Variants in PRKCZ observed in about 807,000 individuals in gnomAD.
PRKCZ encodes protein kinase C zeta type.
PRKCZ carries 33 observed loss-of-function variants against 79.5 expected under a neutral mutation model. The ratio of observed to expected loss-of-function variants is 0.41; its 90% CI spans 0.31 to 0.55. The LOEUF is 0.55. Ranked by LOEUF, PRKCZ falls within the 20% of genes least tolerant of loss-of-function variation. PRKCZ has a pLI of 0.19. For synonymous variants in PRKCZ, 342 were observed against 320.9 expected (o/e 1.07, Z -0.70); for missense variants, 578 against 813.5 (o/e 0.71, Z 3.52).
intron 4 of PRKCZ, among the ~76,000 whole-genome samples, chr1:2,108,913 G>C (rs1669145340): frequency 6.6e-6 from 1 of 152,176 alleles, no homozygotes; most frequent in African/African-American, 2.4e-5. Flanking sequence ...GGTTCTTTCT[G>C]GGGGCTCCAG....
chr1:2,116,039 C>T (rs1256531747), intron 4 of PRKCZ, among the ~76,000 whole-genome samples: 5 of 152,198 alleles, frequency 3.3e-5, no homozygotes, highest in East Asian at 3.8e-4. Flanking sequence ...GAAGACCAGC[C>T]GCATCCTGGA....
rs1665037083 is a variant in PRKCZ, at chr1:2,089,102, G to T, written c.334+29511G>T. Among the ~76,000 whole-genome samples the T allele has an allele frequency of 2.0e-5, 3 of 152,280 alleles. No homozygotes were observed. In the South Asian group the frequency reaches 6.2e-4, roughly 32 times the overall value. On this transcript the variant is annotated intron_variant, in intron 4 of 17. Transcript: ENST00000378567. ...GTGCCAGTTCTGTTCCGGGCTCATC[G>T]TTTCTTTTTAAAATGGTGGAGCTTA...
At chr1:2,061,223 G>A (rs1376799698) in intron 4 of PRKCZ, among the ~76,000 whole-genome samples, 1 of 152,196 alleles carries the variant, frequency 6.6e-6, no homozygotes, top group Non-Finnish European at 1.5e-5. Context: ...GCCCCTGGGC[G>A]CGGGGGAAGC....
At chr1:2,154,977 A>G (rs770860632) in intron 9 of PRKCZ, among the ~76,000 whole-genome samples, 2 of 152,196 alleles carry the variant, frequency 1.3e-5, no homozygotes, top group Non-Finnish European at 2.9e-5. Flanking sequence ...CTTGTGTCCT[A>G]ACTGGAGATA....
At chr1:2,067,666 G>A (rs888087966) in intron 4 of PRKCZ, among the ~76,000 whole-genome samples, 15 of 152,186 alleles carry the variant, frequency 9.9e-5, no homozygotes, top group African/African-American at 3.4e-4. Flanking sequence ...GGCCGCAGGT[G>A]CCTCGGGCCC....
intron 1 of PRKCZ, among the ~76,000 whole-genome samples, chr1:2,052,355 G>A (rs528504794): frequency 1.1e-4 from 16 of 151,880 alleles, no homozygotes; most frequent in African/African-American, 3.9e-4. Context: ...GGTTTCCCAG[G>A]CTGGAGAGAC....
chr1:2,146,228 A>G (rs1219280601), intron 7 of PRKCZ, 120 bp downstream of exon 7: 4 of 973,470 alleles, frequency 4.1e-6, no homozygotes, highest in Non-Finnish European at 6.3e-6. Flanking sequence ...CATTGTCTTC[A>G]AGCCTGGCCA....
At chr1:2,062,046 G>A (rs926503689) in intron 4 of PRKCZ, among the ~76,000 whole-genome samples, 2 of 152,310 alleles carry the variant, frequency 1.3e-5, no homozygotes, top group South Asian at 2.1e-4. Context: ...GCAGGACTGC[G>A]GCTGTACCGT....
rs939729918 is a variant in PRKCZ, at chr1:2,072,166, C to T, written c.334+12575C>T. Among the ~76,000 whole-genome samples, 7 of 152,318 alleles carry T rather than the reference C, an allele frequency of 4.6e-5. No individual in the cohort carries two copies. The South Asian group carries it at 8.3e-4, about 18-fold the overall frequency. ...AATGCCCCTCATGCAGCTGGTCAGC[C>T]GCCTGACGAGGGAAGCTTGGCCCTT... On this transcript the variant is annotated intron_variant, in intron 4 of 17. Transcript: ENST00000378567.
rs1332438877 is a variant in PRKCZ, at chr1:2,128,448, C to T, written c.335-6814C>T. Among the ~76,000 whole-genome samples the T allele has an allele frequency of 6.6e-6, 1 of 152,232 alleles. No homozygotes were observed. The highest frequency in any genetic ancestry group is 1.5e-5 in the Non-Finnish European group (1 of 68,044). On this transcript the variant is annotated intron_variant, in intron 4 of 17. Transcript: ENST00000378567. The surrounding 1 kb of genome is among the most constrained non-coding windows in gnomAD (Gnocchi z 6.5). The stretch of plus-strand genomic sequence containing the variant: ...CTGCTCCGAGTTTAGTGTTTTAAAA[C>T]GTGTTTTCTACGTCTTGTCAGAGTG...
At chr1:2,150,266 G>T (rs564635547) in intron 8 of PRKCZ, among the ~76,000 whole-genome samples, 29 of 152,088 alleles carry the variant, frequency 1.9e-4, no homozygotes, top group Admixed American at 8.5e-4. Context: ...TGTAGCTTGC[G>T]GGAGGCAGAG....
Position 2,101,900 on chromosome 1 carries a change from A to T in PRKCZ, c.335-33362A>T, listed in dbSNP as rs557612472. ...ATAATGGATACAGCGGGCGTGGTGG[A>T]TTTATAACAGATATGTAGCAGATAT... On this transcript the variant is annotated intron_variant, in intron 4 of 17. Coordinates refer to ENST00000378567, the MANE Select transcript of PRKCZ (RefSeq NM_002744.6). Among the ~76,000 whole-genome samples the T allele has an allele frequency of 4.6e-5, 7 of 152,292 alleles. No individual in the cohort carries two copies. In the East Asian group the frequency reaches 1.2e-3, roughly 25 times the overall value.
chr1:2,165,906 C>T lies in PRKCZ; in HGVS notation c.975-3612C>T, dbSNP rs1022112975. On this transcript the variant is annotated intron_variant, in intron 10 of 17. Transcript: ENST00000378567. The surrounding 1 kb of genome is among the most constrained non-coding windows in gnomAD (Gnocchi z 4.1). ...GGTTTTGTGAGCTTCCCTCAGCCCC[C>T]GGCCGCCCCCTAGGAGGTTTCGTGA... is the stretch of plus-strand genomic sequence containing the variant. 1.3e-5 allele frequency among the ~76,000 whole-genome samples: 2 copies of T among 152,074 alleles called. No homozygotes were observed. Among genetic ancestry groups the T allele is most frequent in the Admixed American group, 6.5e-5 (1 of 15,276 alleles).
chr1:2,102,335 G>A (rs1054153467), intron 4 of PRKCZ, among the ~76,000 whole-genome samples: 1 of 148,610 alleles, frequency 6.7e-6, no homozygotes, highest in African/African-American at 2.5e-5. Flanking sequence ...TGTTTGTTTT[G>A]TTTTGTTTTG....
In PRKCZ at chr1:2,184,578, C is replaced by G; in HGVS notation, c.1576-5C>G. The G allele has an allele frequency of 6.2e-7, 1 of 1,612,582 alleles. No homozygotes were observed. On this transcript the variant is annotated splice_region_variant and splice_polypyrimidine_tract_variant and intron_variant, in intron 16 of 17. Transcript: ENST00000378567. Reference sequence around the variant, plus strand: ...AGCTGACCCTTCTCCTATTGTTTTTCCAAGCTGGAGAAGAAGCAGGCGCTC... The same window carrying G: ...AGCTGACCCTTCTCCTATTGTTTTTGCAAGCTGGAGAAGAAGCAGGCGCTC...
At chr1:2,078,579 C>T (rs932226260) in intron 4 of PRKCZ, among the ~76,000 whole-genome samples, 12 of 152,112 alleles carry the variant, frequency 7.9e-5, no homozygotes, top group African/African-American at 1.4e-4. Flanking sequence ...TGGAACCTTG[C>T]GACATTTGGA....
intron 4 of PRKCZ, among the ~76,000 whole-genome samples, chr1:2,086,751 A>AGGCTC (rs1664600810): frequency 1.3e-5 from 2 of 152,204 alleles, no homozygotes; most frequent in South Asian, 4.1e-4. Flanking sequence ...CCAGTGCCGC[A>AGGCTC]GGCTCTTCTC....
chr1:2,134,459 C>G (rs1040229851), intron 4 of PRKCZ, among the ~76,000 whole-genome samples: 2 of 152,148 alleles, frequency 1.3e-5, no homozygotes, highest in African/African-American at 2.4e-5. Flanking sequence ...CACACACATC[C>G]GTTTCAAAGA....
At chr1:2,072,744 C>T (rs1330680439) in intron 4 of PRKCZ, among the ~76,000 whole-genome samples, 1 of 152,118 alleles carries the variant, frequency 6.6e-6, no homozygotes, top group African/African-American at 2.4e-5. Context: ...CCTCCAGGGT[C>T]AGCAGGGCCA....
Sources: gnomAD v4.1 joint callset for allele counts (sites outside exome capture counted in the v4.1 genomes callset) on GRCh38, gnomAD v4.1.1 for gene constraint, Gnocchi (gnomAD v3.1) non-coding constraint, MANE v1.5 for transcripts, NCBI Gene and HGNC (gene_info 2026-07-23, HGNC 2026-07-21) for gene names.